The following SLC6A9 variants were observed in gnomAD, a reference collection of about 807,000 sequenced individuals.
The protein encoded by SLC6A9 is sodium- and chloride-dependent glycine transporter 1.
In SLC6A9, 31 loss-of-function variants were observed where a neutral mutation model predicts 70.9. The observed-to-expected ratio is 0.44, with a 90% CI of 0.33 to 0.59. The LOEUF (loss-of-function observed/expected upper bound fraction) is 0.59, where lower values mean the gene tolerates loss of function less well. Among genes scored for constraint, SLC6A9 ranks in the 20% least tolerant of loss-of-function variants. The pLI is 0.04. For synonymous variants in SLC6A9, 310 were observed against 341.3 expected (o/e 0.91, Z 1.01); for missense variants, 631 against 845.2 (o/e 0.75, Z 3.14).
intron 5 of SLC6A9, 105 bp downstream of exon 5, chr1:44,008,248 G>A (rs967727753): frequency 1.8e-5 from 20 of 1,105,270 alleles, no homozygotes; most frequent in African/African-American, 4.6e-5. Context: ...GCCCAGCAGC[G>A]GGCTGAACCT....
At chr1:44,017,927 G>A (rs1222034722) in intron 2 of SLC6A9, among the ~76,000 whole-genome samples, 4 of 152,340 alleles carry the variant, frequency 2.6e-5, no homozygotes, top group African/African-American at 7.2e-5. Context: ...TGTGCGTGGC[G>A]TGGGCTGGTA....
chr1:44,019,154 A>G (rs2086834591), intron 2 of SLC6A9, among the ~76,000 whole-genome samples: 1 of 152,182 alleles, frequency 6.6e-6, no homozygotes, highest in Admixed American at 6.5e-5. Flanking sequence ...TAGAAAATAC[A>G]TAGTAAGTGC....
At chr1:44,017,501 TC>T (rs1383811228) in intron 2 of SLC6A9, among the ~76,000 whole-genome samples, 1 of 152,162 alleles carries the variant, frequency 6.6e-6, no homozygotes, top group Non-Finnish European at 1.5e-5. Context: ...CTGGGTGGGC[TC>T]CTGCTAGGGT....
intron 3 of SLC6A9, chr1:44,010,501 C>CAAA: frequency 2.4e-6 from 1 of 417,026 alleles, no homozygotes. Context: ...CTCCTCACCT[C>CAAA]AAAGGGGGCC....
At chr1:44,029,230 C>G (rs2087046203) in intron 1 of SLC6A9, among the ~76,000 whole-genome samples, 1 of 152,218 alleles carries the variant, frequency 6.6e-6, no homozygotes, top group Non-Finnish European at 1.5e-5. Flanking sequence ...GCCCTGGAGT[C>G]CTCACGGGGG....
chr1:44,027,856 TC>T (rs1037160187), intron 1 of SLC6A9, among the ~76,000 whole-genome samples: 11 of 152,138 alleles, frequency 7.2e-5, no homozygotes, highest in Admixed American at 1.3e-4. Context: ...GCGCCTGTAA[TC>T]CCAACTACTT....
intron 2 of SLC6A9, among the ~76,000 whole-genome samples, chr1:44,011,343 C>T (rs1557683775): frequency 1.3e-5 from 2 of 152,276 alleles, no homozygotes; most frequent in South Asian, 2.1e-4. Flanking sequence ...AGGCTGAGCA[C>T]GCTGCCCCTG....
intron 1 of SLC6A9, among the ~76,000 whole-genome samples, chr1:44,026,259 C>A (rs1382344136): frequency 6.6e-6 from 1 of 152,226 alleles, no homozygotes; most frequent in Non-Finnish European, 1.5e-5. Flanking sequence ...CCCTGTGCCT[C>A]CCTCTCCAGG....
rs146913300 is a variant in SLC6A9 at position 44,012,661 on chromosome 1, C to T, written c.31-1779G>A. ...TAGTGGGGGTGCAATGAAATGTATA[C>T]ACCCATCATCTTTAGATGTGGCTTC... On this transcript the variant is annotated intron_variant, in intron 2 of 13. Transcript: ENST00000372310. 9.8e-3 allele frequency among the ~76,000 whole-genome samples: 1,488 copies of T among 152,354 alleles called. 12 individuals carry two copies. Among genetic ancestry groups the T allele is most frequent in the Middle Eastern group, 0.031 (9 of 294 alleles).
intron 2 of SLC6A9, among the ~76,000 whole-genome samples, chr1:44,017,779 G>T (rs980715776): frequency 1.3e-5 from 2 of 152,262 alleles, no homozygotes; most frequent in Non-Finnish European, 2.9e-5. Flanking sequence ...AGTGAACCAC[G>T]CTGTCAGCTG....
intron 4 of SLC6A9, 78 bp downstream of exon 4, chr1:44,009,887 G>A: frequency 4.5e-6 from 7 of 1,538,616 alleles, no homozygotes; most frequent in Non-Finnish European, 6.2e-6. Flanking sequence ...TGTTTGTACA[G>A]ATGGGCGAGT....
Position 43,997,596 on chromosome 1 carries a change from G to GA in SLC6A9, c.1850dup (p.Ile619HisfsTer5), listed in dbSNP as rs771233231. ...TGGAGCCATTACTGCCCACAATGGGGATCTGCGCCTTGTCCGGGTGCAGTG... is the reference window on the plus strand; with the variant it reads ...TGGAGCCATTACTGCCCACAATGGGGAATCTGCGCCTTGTCCGGGTGCAGTG... On this transcript the variant is annotated frameshift_variant, in exon 14 of 14. Transcript: ENST00000372310. LOFTEE classifies it high-confidence loss of function. This position sits in a 1 kb window ranked among gnomAD's most constrained non-coding sequence, Gnocchi z 4.4. The GA allele has an allele frequency of 6.2e-7, 1 of 1,613,948 alleles. No individual in the cohort carries two copies. The highest frequency in any genetic ancestry group is 2.2e-5 in the East Asian group (1 of 44,868).
chr1:44,025,383 G>A (rs1393856048), intron 1 of SLC6A9, among the ~76,000 whole-genome samples: 2 of 151,900 alleles, frequency 1.3e-5, no homozygotes, highest in African/African-American at 4.8e-5. Context: ...CAGATGGGAC[G>A]GAAGAAAGGT....
At chr1:44,017,357 G>A (rs1018028644) in intron 2 of SLC6A9, 2 of 1,327,116 alleles carry the variant, frequency 1.5e-6, no homozygotes, top group African/African-American at 1.6e-5. Flanking sequence ...TTCCCAGCAA[G>A]TAACTGGAAC....
At chr1:44,014,391 T>C (rs1414732463) in intron 2 of SLC6A9, among the ~76,000 whole-genome samples, 2 of 151,934 alleles carry the variant, frequency 1.3e-5, no homozygotes, top group African/African-American at 4.8e-5. Flanking sequence ...CTCCCAGCCA[T>C]GGAAGGAATG....
intron 2 of SLC6A9, among the ~76,000 whole-genome samples, chr1:44,012,281 A>G (rs1035467438): frequency 6.6e-6 from 1 of 152,272 alleles, no homozygotes. Flanking sequence ...CTGGGCCCCA[A>G]GCGCCTTGGA....
In SLC6A9 at chr1:44,002,612, A is replaced by T; in HGVS notation, c.758T>A (p.Val253Glu). ...TCCGCGGACAAACAGAATGGTCAGC[A>T]CCACGTAGGGGAACGTGGCCGTGAA... Reference protein sequence around the residue: ...VYFTATFPYVVLTILFVRGVT... With the variant: ...VYFTATFPYVELTILFVRGVT... The change falls in exon 7 of 14, where the codon GTG (valine) becomes GAG (glutamate). Residue 253 changes from valine to glutamate, a missense_variant. Coordinates refer to ENST00000372310, the MANE Select transcript of SLC6A9 (RefSeq NM_001024845.3). The surrounding 1 kb of genome is among the most constrained non-coding windows in gnomAD (Gnocchi z 5.5). 6.2e-7 allele frequency: 1 copy of T among 1,614,136 alleles called. No individual in the cohort carries two copies. The highest frequency in any genetic ancestry group is 8.5e-7 in the Non-Finnish European group (1 of 1,179,990).
At position 44,002,999 on chromosome 1, in the gene SLC6A9, ACT is replaced by A. The variant is rs756162596; in HGVS notation, c.591-16_591-15del. 7.4e-6 allele frequency: 12 copies of A among 1,613,310 alleles called. No individual in the cohort carries two copies. The African/African-American group carries it at 9.4e-5, about 13-fold the overall frequency. On this transcript the variant is annotated splice_polypyrimidine_tract_variant and intron_variant, in intron 5 of 13. Coordinates refer to ENST00000372310, the MANE Select transcript of SLC6A9 (RefSeq NM_001024845.3). This position sits in a 1 kb window ranked among gnomAD's most constrained non-coding sequence, Gnocchi z 5.5. ...AGCACGTACAGCCTGGGAAGGGGAG[ACT>A]CTGTCACTGAGGGCCAGCCGCCGCT... is the stretch of plus-strand genomic sequence containing the variant.
rs188509294 is a variant in SLC6A9, at chr1:44,001,675, C to T, written c.963-48G>A. The T allele has an allele frequency of 4.9e-3, 7,120 of 1,455,134 alleles. 18 individuals are homozygous for T. The highest frequency in any genetic ancestry group is 6.2e-3 in the Non-Finnish European group (6,528 of 1,051,266). 90.1% of individuals were successfully genotyped at this position (1,455,134 alleles called of 1,614,324 possible). A position where few individuals can be genotyped will look rare whatever the true frequency, so the allele number is the denominator to read the frequency against. ...TCAGCTTCCCTCTCCCCAATTTGGG[C>T]CAAGAGGAGACATGGAGACACGGAA... is the stretch of plus-strand genomic sequence containing the variant. On this transcript the variant is annotated intron_variant, in intron 8 of 13. Transcript: ENST00000372310.
Sources: allele counts gnomAD v4.1 joint callset (sites outside exome capture counted in the v4.1 genomes callset), GRCh38; gene constraint gnomAD v4.1.1; non-coding constraint Gnocchi (gnomAD v3.1); transcripts MANE v1.5; gene names NCBI Gene and HGNC (gene_info 2026-07-23, HGNC 2026-07-21).